GJB7: variants seen among roughly 807,000 people sequenced by gnomAD.
The protein encoded by GJB7 is gap junction protein beta 7.
For synonymous variants in GJB7, 87 were observed against 95.2 expected, an observed-to-expected ratio of 0.91 and a Z score of 0.50; for missense variants, 253 against 256.8, an observed-to-expected ratio of 0.99 and a Z score of 0.10.
intron 2 of GJB7, among the ~76,000 whole-genome samples, chr6:87,296,771 G>T (rs555033008): frequency 6.6e-6 from 1 of 152,266 alleles, no homozygotes; most frequent in East Asian, 1.9e-4. Context: ...GGGGAAGGGG[G>T]TTGATGTGGT....
intron 2 of GJB7, among the ~76,000 whole-genome samples, chr6:87,304,338 G>A (rs1669843806): frequency 6.6e-6 from 1 of 152,030 alleles, no homozygotes; most frequent in Non-Finnish European, 1.5e-5. Context: ...AATGATAAAG[G>A]GGATATCACC....
intron 2 of GJB7, chr6:87,298,975 A>G: frequency 4.3e-6 from 2 of 465,952 alleles, no homozygotes; most frequent in Non-Finnish European, 8.5e-6. Context: ...GTTCTAAAGT[A>G]ACAAAAGATG....
chr6:87,323,624 A>G (rs1776730419), intron 1 of GJB7, among the ~76,000 whole-genome samples: 1 of 152,022 alleles, frequency 6.6e-6, no homozygotes, highest in Non-Finnish European at 1.5e-5. Flanking sequence ...TTATGGCTGC[A>G]TAGTATTACA....
At chr6:87,290,895 A>C (rs1274167123) in intron 2 of GJB7, among the ~76,000 whole-genome samples, 1 of 152,226 alleles carries the variant, frequency 6.6e-6, no homozygotes, top group Non-Finnish European at 1.5e-5. Context: ...ATAGTACTTA[A>C]AATCATAATG....
intron 1 of GJB7, among the ~76,000 whole-genome samples, chr6:87,328,495 G>A (rs1191786120): frequency 6.6e-6 from 1 of 151,588 alleles, no homozygotes; most frequent in Non-Finnish European, 1.5e-5. Context: ...CTTCAGGTCT[G>A]TTGGAGTACC....
chr6:87,293,192 C>T (rs1194419505), intron 2 of GJB7, among the ~76,000 whole-genome samples: 1 of 152,132 alleles, frequency 6.6e-6, no homozygotes, highest in African/African-American at 2.4e-5. Flanking sequence ...CCACCACGCC[C>T]AGCTAATTTT....
At chr6:87,298,716 A>T (rs1451804237) in intron 2 of GJB7, 1 of 182,968 alleles carries the variant, frequency 5.5e-6, no homozygotes, top group African/African-American at 2.4e-5. Flanking sequence ...CTCGCCCCTC[A>T]CTCGCCACTG....
intron 2 of GJB7, chr6:87,299,965 G>A: frequency 3.0e-6 from 1 of 328,062 alleles, no homozygotes; most frequent in East Asian, 6.0e-5. Flanking sequence ...GAGTAGCAGT[G>A]CTGAAGGCTG....
At chr6:87,312,522 AC>A (rs1360818393) in intron 2 of GJB7, among the ~76,000 whole-genome samples, 4 of 143,684 alleles carry the variant, frequency 2.8e-5, no homozygotes, top group Non-Finnish European at 1.5e-5. Context: ...AAAAAAAAAA[AC>A]AAAAAAAAAA....
intron 2 of GJB7, chr6:87,322,220 G>A (rs1428037324): frequency 1.3e-5 from 2 of 152,158 alleles, no homozygotes; most frequent in African/African-American, 4.8e-5. Context: ...CCTAAAGTAG[G>A]GGTAGGAAGA....
intron 2 of GJB7, among the ~76,000 whole-genome samples, chr6:87,304,126 A>C (rs998374720): frequency 1.3e-5 from 2 of 152,230 alleles, no homozygotes; most frequent in African/African-American, 4.8e-5. Context: ...CTAGAGAAGC[A>C]AGAGCAAACA....
rs772135973 is a variant in GJB7, at chr6:87,284,385, C to A, written c.528G>T (p.Lys176Asn). The change falls in exon 3 of 3, where the codon AAG becomes AAT. Residue 176 changes from lysine (K) to asparagine (N), a missense_variant. By Grantham distance (94) the Lys-to-Asn change is moderately conservative (BLOSUM62 0). Coordinates refer to ENST00000525899, the MANE Select transcript of GJB7 (RefSeq NM_198568.3). ...TGACCAAGAAGAGGATGAAGATCGTCTTCTCAGTGGGTTTGGAGATGAAGC... is the reference window on the plus strand; with the variant it reads ...TGACCAAGAAGAGGATGAAGATCGTATTCTCAGTGGGTTTGGAGATGAAGC... ...VDCFISKPTEKTIFILFLVIT... is the reference protein window; with the variant it reads ...VDCFISKPTENTIFILFLVIT... The A allele has an allele frequency of 2.5e-6, 4 of 1,614,134 alleles. No homozygotes were observed. In the South Asian group the frequency reaches 3.3e-5, roughly 13 times the overall value.
intron 2 of GJB7, among the ~76,000 whole-genome samples, chr6:87,306,467 A>G (rs899148982): frequency 6.6e-6 from 1 of 152,218 alleles, no homozygotes; most frequent in East Asian, 1.9e-4. Context: ...AATCAAAACC[A>G]CAATGAGATA....
intron 2 of GJB7, among the ~76,000 whole-genome samples, chr6:87,317,320 C>T (rs1447505356): frequency 3.3e-5 from 5 of 152,018 alleles, no homozygotes; most frequent in South Asian, 2.1e-4. Context: ...GTTAAGATTG[C>T]GGCACTGTAC....
At chr6:87,303,903 A>G (rs1303863084) in intron 2 of GJB7, among the ~76,000 whole-genome samples, 1 of 152,252 alleles carries the variant, frequency 6.6e-6, no homozygotes, top group Non-Finnish European at 1.5e-5. Context: ...ATGGAAACTG[A>G]ACAACCTGCC....
chr6:87,302,192 A>T (rs192195228), intron 2 of GJB7, among the ~76,000 whole-genome samples: 1 of 152,230 alleles, frequency 6.6e-6, no homozygotes, highest in African/African-American at 2.4e-5. Flanking sequence ...GACTTTGACG[A>T]GTTGAGAGAA....
intron 2 of GJB7, among the ~76,000 whole-genome samples, chr6:87,303,246 G>C: frequency 6.6e-6 from 1 of 152,128 alleles, no homozygotes; most frequent in Non-Finnish European, 1.5e-5. Flanking sequence ...TGGATAAAGA[G>C]TCAAGACCCA....
chr6:87,286,184 C>A (rs1027138237), intron 2 of GJB7, among the ~76,000 whole-genome samples: 2 of 152,184 alleles, frequency 1.3e-5, no homozygotes, highest in Non-Finnish European at 2.9e-5. Context: ...CTCCCTAAAC[C>A]TACACAGCTC....
At chr6:87,308,551 GAA>G (rs1387408820) in intron 2 of GJB7, among the ~76,000 whole-genome samples, 6 of 152,004 alleles carry the variant, frequency 3.9e-5, no homozygotes, top group Admixed American at 3.9e-4. Flanking sequence ...TAACAAAAAA[GAA>G]AAAGACATTT....
Sources: allele counts gnomAD v4.1 joint callset (sites outside exome capture counted in the v4.1 genomes callset), GRCh38; gene constraint gnomAD v4.1.1; transcripts MANE v1.5; gene names NCBI Gene and HGNC (gene_info 2026-07-23, HGNC 2026-07-21).